The following NID2 variants were observed in gnomAD, a reference collection of about 807,000 sequenced individuals.
NID2 encodes the protein nidogen-2.
A neutral mutation model predicts 145.4 loss-of-function variants in NID2; 83 were observed. The observed-to-expected ratio is 0.57, with a 90% CI of 0.48 to 0.69. The LOEUF is 0.69. Among genes scored for constraint, NID2 ranks in the 30% least tolerant of loss-of-function variants. NID2 has a pLI of 0.00. For missense variants in NID2, 1,807 were observed against 1,765.7 expected, an observed-to-expected ratio of 1.02 and a Z score of -0.42; for synonymous variants, 739 against 701.3, an observed-to-expected ratio of 1.05 and a Z score of -0.85.
In NID2 at chr14:52,040,795, G is replaced by A. The variant is rs142601895; in HGVS notation, c.1882C>T (p.Arg628Cys). The change falls in exon 8 of 22, where the codon CGT becomes TGT. Residue 628 changes from arginine (R) to cysteine (C), a missense_variant. Coordinates refer to ENST00000216286, the MANE Select transcript of NID2 (RefSeq NM_007361.4). ...AGTCCCTCAGCAGTTTGAGTGATAC[G>A]AACCGTCTCCTCTCCCGGGTAGAAT... is the stretch of plus-strand genomic sequence containing the variant. ...VTFYPGEETV[R>C]ITQTAEGLDP... is the part of the protein sequence containing the mutation. 23 of 1,614,042 alleles carry A rather than the reference G, an allele frequency of 1.4e-5. No individual in the cohort carries two copies. Among genetic ancestry groups the A allele is most frequent in the African/African-American group, 9.3e-5 (7 of 74,912 alleles).
At chr14:52,041,456 T>G (rs1439164573) in intron 7 of NID2, among the ~76,000 whole-genome samples, 3 of 152,214 alleles carry the variant, frequency 2.0e-5, no homozygotes, top group African/African-American at 7.2e-5. Context: ...GCAATAAAGA[T>G]AAAACCTCTA....
rs1890709239 is a variant in NID2, at chr14:52,005,114, A to C, written c.*372T>G. 3 of 180,654 alleles carry C rather than the reference A, an allele frequency of 1.7e-5. No individual in the cohort carries two copies. Among genetic ancestry groups the C allele is most frequent in the Non-Finnish European group, 3.4e-5 (3 of 87,056 alleles). The allele number at this position is 180,654 out of a possible 1,614,324, so 11.2% of individuals were successfully genotyped here. A position where few individuals can be genotyped will look rare whatever the true frequency, so the allele number is the denominator to read the frequency against. ...TTGTTATATTGATCACATGTGCTTTAATTTCTTGGCCAGAAGGAATCCATG... is the reference window on the plus strand; with the variant it reads ...TTGTTATATTGATCACATGTGCTTTCATTTCTTGGCCAGAAGGAATCCATG... On this transcript the variant is annotated 3_prime_UTR_variant, in exon 22 of 22. Coordinates refer to ENST00000216286, the MANE Select transcript of NID2 (RefSeq NM_007361.4).
chr14:52,011,478 G>A (rs1192909949), intron 17 of NID2, 76 bp downstream of exon 17: 1 of 1,585,302 alleles, frequency 6.3e-7, no homozygotes, highest in African/African-American at 1.4e-5. Flanking sequence ...AAAATCGAGG[G>A]GAGACTTCGG....
rs1891722819 is a variant in NID2 at position 52,029,579 on chromosome 14, G to C, written c.2369C>G (p.Ser790Cys). The change falls in exon 10 of 22, where the codon TCT becomes TGT. Residue 790 changes from serine to cysteine, a missense_variant. Physicochemically the swap from Ser to Cys is moderately radical, Grantham distance 112 (BLOSUM62 -1). Transcript: ENST00000216286. ...TGVDYTCECA[S>C]GYQGDGRNCV... ...GTTCCGTCCATCTCCCTGGTACCCA[G>C]ATGCGCACTCACAGGTGTAATCTAC... 6.2e-7 allele frequency: 1 copy of C among 1,613,600 alleles called. No individual in the cohort carries two copies. Among genetic ancestry groups the C allele is most frequent in the South Asian group, 1.1e-5 (1 of 91,028 alleles).
intron 9 of NID2, among the ~76,000 whole-genome samples, chr14:52,031,937 G>T (rs1307835941): frequency 2.0e-5 from 3 of 152,152 alleles, no homozygotes; most frequent in African/African-American, 2.4e-5. Flanking sequence ...CCACTGCTAT[G>T]GGGGGAGACT....
Position 52,005,726 on chromosome 14 carries a change from A to G in NID2, c.4117+11T>C, listed in dbSNP as rs757278582. Reference sequence around the variant, plus strand: ...CTAATTTAAAGGAGCATCCTAAAGCATACTTTTTACCTGTTGGGCAGTAGG... The same window carrying G: ...CTAATTTAAAGGAGCATCCTAAAGCGTACTTTTTACCTGTTGGGCAGTAGG... On this transcript the variant is annotated intron_variant, in intron 21 of 21. Transcript: ENST00000216286. 13 of 1,600,912 alleles carry G rather than the reference A, an allele frequency of 8.1e-6. No homozygotes were observed. Among genetic ancestry groups the G allele is most frequent in the African/African-American group, 1.3e-5 (1 of 74,688 alleles).
At chr14:52,030,984 C>T (rs1169369993) in intron 9 of NID2, among the ~76,000 whole-genome samples, 1 of 152,250 alleles carries the variant, frequency 6.6e-6, no homozygotes, top group Non-Finnish European at 1.5e-5. Context: ...ACTATCTCCA[C>T]TTCTGCTGCA....
At chr14:52,052,070 AT>A (rs1252320508) in intron 5 of NID2, among the ~76,000 whole-genome samples, 1 of 152,186 alleles carries the variant, frequency 6.6e-6, no homozygotes, top group Non-Finnish European at 1.5e-5. Flanking sequence ...CAACCCACAA[AT>A]GAGAAGGCCA....
In NID2 at chr14:52,015,186, C is replaced by T. The variant is rs1461741815; in HGVS notation, c.3118G>A (p.Val1040Met). ...TGGCCCAGGTCATCGCACTGGGGCA[C>T]GTACTGGTCATCCCGGGGGGTGCCA... is the stretch of plus-strand genomic sequence containing the variant. The part of the protein sequence containing the change: ...YGGTPRDDQY[V>M]PQCDDLGHFI... Residue 1040 changes from valine to methionine, a missense_variant, in exon 15 of 22, where the codon GTG becomes ATG. Coordinates refer to ENST00000216286, the MANE Select transcript of NID2 (RefSeq NM_007361.4). 15 of 1,613,982 alleles carry T rather than the reference C, an allele frequency of 9.3e-6. No homozygotes were observed. Among genetic ancestry groups the T allele is most frequent in the Admixed American group, 3.3e-5 (2 of 59,992 alleles).
intron 12 of NID2, among the ~76,000 whole-genome samples, chr14:52,020,485 C>T (rs1255896719): frequency 6.6e-6 from 1 of 152,234 alleles, no homozygotes; most frequent in Non-Finnish European, 1.5e-5. Flanking sequence ...ACAGTGAATT[C>T]AAGGAAGTTA....
chr14:52,019,364 G>T, intron 13 of NID2, 70 bp from the exon 14 acceptor site: 1 of 1,265,378 alleles, frequency 7.9e-7, no homozygotes, highest in Non-Finnish European at 1.1e-6. Flanking sequence ...CACTTCACCA[G>T]CCCACAGCGT....
chr14:52,006,747 T>G, intron 19 of NID2, 87 bp from the exon 20 acceptor site: 1 of 1,410,886 alleles, frequency 7.1e-7, no homozygotes. Flanking sequence ...AGTGATAGAA[T>G]GGGGAAATAG....
chr14:52,015,409 C>A (rs186081613), intron 14 of NID2, 134 bp from the exon 15 acceptor site: 12 of 740,296 alleles, frequency 1.6e-5, no homozygotes, highest in Middle Eastern at 7.1e-4. Flanking sequence ...CAGCCAAGCC[C>A]GTGGACACCA....
Position 52,011,008 on chromosome 14 carries a change from C to T in NID2, c.3590G>A (p.Arg1197His), listed in dbSNP as rs144691300. 2.0e-4 allele frequency: 321 copies of T among 1,614,138 alleles called. No homozygotes were observed. Among genetic ancestry groups the T allele is most frequent in the African/African-American group, 1.7e-3 (129 of 75,044 alleles). Residue 1197 changes from arginine to histidine, a missense_variant, in exon 18 of 22, where the codon CGC (arginine) becomes CAC (histidine). Transcript: ENST00000216286. ...SPEGLAIDHI[R>H]RTMYWTDSVL... ...ACTGTCCGTCCAGTACATTGTTCTG[C>T]GGATGTGGTCTATGGCAAGTCCTTC...
intron 9 of NID2, among the ~76,000 whole-genome samples, chr14:52,038,034 T>C (rs1892137810): frequency 6.6e-6 from 1 of 152,234 alleles, no homozygotes; most frequent in South Asian, 2.1e-4. Flanking sequence ...CTACACAAAA[T>C]GTCATCTGAG....
At chr14:52,024,404 G>C (rs1188655191) in intron 12 of NID2, among the ~76,000 whole-genome samples, 2 of 152,236 alleles carry the variant, frequency 1.3e-5, no homozygotes, top group East Asian at 1.9e-4. Context: ...CCAACAACCA[G>C]CAAGGAACCA....
intron 16 of NID2, among the ~76,000 whole-genome samples, chr14:52,013,838 A>G (rs1433678655): frequency 6.6e-6 from 1 of 152,214 alleles, no homozygotes; most frequent in Non-Finnish European, 1.5e-5. Flanking sequence ...TGCAACGGTG[A>G]GACAGTCATT....
At chr14:52,068,202 A>G in intron 1 of NID2, 39 bp from the exon 2 acceptor site, 1 of 1,587,724 alleles carries the variant, frequency 6.3e-7, no homozygotes, top group Non-Finnish European at 8.6e-7. Flanking sequence ...CAGTCGCTCA[A>G]GCCCAAGGAC....
At chr14:52,039,211 A>G (rs1292362066) in intron 8 of NID2, among the ~76,000 whole-genome samples, 2 of 152,204 alleles carry the variant, frequency 1.3e-5, no homozygotes, top group Non-Finnish European at 2.9e-5. Context: ...CACAAAGAAT[A>G]AGTGTTACTA....
Sources: allele counts gnomAD v4.1 joint callset (sites outside exome capture counted in the v4.1 genomes callset), GRCh38; gene constraint gnomAD v4.1.1; transcripts MANE v1.5; gene names NCBI Gene and HGNC (gene_info 2026-07-23, HGNC 2026-07-21).